SLCO1B3: variants seen among roughly 807,000 people sequenced by gnomAD.
The protein encoded by SLCO1B3 is solute carrier organic anion transporter family member 1B3, also known as liver-specific organic anion transporter 2.
In SLCO1B3, 72 loss-of-function variants were observed where a neutral mutation model predicts 71.8. The observed-to-expected ratio is 1.00, with a 90% CI of 0.83 to 1.22. SLCO1B3 has a LOEUF of 1.22. SLCO1B3 is among the 50% of genes most tolerant of loss of function. The probability of loss-of-function intolerance (pLI) is 0.00; values close to 1 mark genes in which losing one functional copy is unlikely to be tolerated. For synonymous variants in SLCO1B3, 298 were observed against 278.4 expected (o/e 1.07, Z -0.70); for missense variants, 911 against 819.7 (o/e 1.11, Z -1.36).
intron 13 of SLCO1B3, among the ~76,000 whole-genome samples, chr12:20,898,164 C>A (rs1866052959): frequency 6.6e-6 from 1 of 152,080 alleles, no homozygotes; most frequent in African/African-American, 2.4e-5. Flanking sequence ...CAACCACTTT[C>A]TTATAGGATT....
intron 6 of SLCO1B3, 129 bp downstream of exon 6, chr12:20,861,267 A>G: frequency 2.5e-6 from 2 of 789,468 alleles, no homozygotes; most frequent in Non-Finnish European, 3.8e-6. Flanking sequence ...CCTTACATAC[A>G]GACAAAATCA....
At position 20,904,717 on chromosome 12, in the gene SLCO1B3, C is replaced by T. The variant is rs74862125; in HGVS notation, c.1865+3250C>T. On this transcript the variant is annotated intron_variant, in intron 15 of 15. Coordinates refer to ENST00000381545, the MANE Select transcript of SLCO1B3 (RefSeq NM_019844.4). ...CCCTAGTATAGGTTTTTCATGAGGG[C>T]TCCACCCCTGCAGCAGACTTCTGCC... Among the ~76,000 whole-genome samples the T allele has an allele frequency of 7.4e-3, 1,041 of 141,554 alleles. 17 individuals carry two copies. In the East Asian group the frequency reaches 0.077, roughly 10 times the overall value. The allele number at this position is 141,554 out of a possible 152,430, so 92.9% of individuals were successfully genotyped here.
intron 8 of SLCO1B3, among the ~76,000 whole-genome samples, chr12:20,864,413 A>T (rs780825498): frequency 3.3e-5 from 5 of 152,222 alleles, no homozygotes; most frequent in Non-Finnish European, 4.4e-5. Context: ...GAGGACTTAA[A>T]TAGATCACTC....
chr12:20,825,748 G>A (rs1205487418), intron 3 of SLCO1B3, among the ~76,000 whole-genome samples: 5 of 143,178 alleles, frequency 3.5e-5, no homozygotes, highest in African/African-American at 1.3e-4. Flanking sequence ...GCAGTGAGTC[G>A]AGATTGTGGC....
At chr12:20,868,307 TACAG>T (rs1166967942) in intron 8 of SLCO1B3, among the ~76,000 whole-genome samples, 13 of 151,928 alleles carry the variant, frequency 8.6e-5, no homozygotes, top group South Asian at 4.4e-4. Flanking sequence ...AACCAAAAGT[TACAG>T]ACAGATTGTC....
At position 20,836,057 on chromosome 12, in the gene SLCO1B3, G is replaced by A. The variant is rs143200178; in HGVS notation, c.85-18971G>A. Among the ~76,000 whole-genome samples, 606 of 152,322 alleles carry A rather than the reference G, an allele frequency of 4.0e-3. 1 individual carries two copies. Among genetic ancestry groups the A allele is most frequent in the Non-Finnish European group, 6.4e-3 (438 of 68,030 alleles). On this transcript the variant is annotated intron_variant, in intron 3 of 15. Transcript: ENST00000381545. ...TACATGGCAGCAGGCAGAAGAGTGT[G>A]TACAGGAGAACTGCACTTTATAAAA...
At chr12:20,860,060 A>G (rs995560580) in intron 5 of SLCO1B3, among the ~76,000 whole-genome samples, 10 of 144,554 alleles carry the variant, frequency 6.9e-5, no homozygotes, top group African/African-American at 2.1e-4. Flanking sequence ...GGTTCACACC[A>G]TTCTCCTGCC....
At chr12:20,863,046 C>G (rs1011409015) in intron 8 of SLCO1B3, among the ~76,000 whole-genome samples, 192 bp downstream of exon 8, 3 of 152,154 alleles carry the variant, frequency 2.0e-5, no homozygotes, top group African/African-American at 4.8e-5. Flanking sequence ...GCTTTTACAA[C>G]TAAGTATAAA....
chr12:20,845,244 C>T, intron 3 of SLCO1B3: 1 of 424,814 alleles, frequency 2.4e-6, no homozygotes, highest in Admixed American at 2.5e-5. Flanking sequence ...ATTCTACCAG[C>T]TTTCTGACCT....
chr12:20,825,724 G>T (rs1410118401), intron 3 of SLCO1B3, among the ~76,000 whole-genome samples: 7 of 150,692 alleles, frequency 4.6e-5, no homozygotes, highest in African/African-American at 1.7e-4. Context: ...GCTTGGATTT[G>T]GGAGGCAGAG....
chr12:20,883,512 C>T lies in SLCO1B3; in HGVS notation c.1592C>T (p.Thr531Ile). Residue 531 changes from threonine to isoleucine, a missense_variant, in exon 13 of 16, where the codon ACA (threonine) becomes ATA (isoleucine). By Grantham distance (89) the Thr-to-Ile change is moderately conservative. Transcript: ENST00000381545. The stretch of plus-strand genomic sequence containing the variant: ...GAATGCCCAAGAGATAATACTTGTA[C>T]AAGGAAATTTTTCATCTATGTTGCA... ...LGECPRDNTCTRKFFIYVAIQ... is the reference protein window; with the variant it reads ...LGECPRDNTCIRKFFIYVAIQ... 1 of 1,604,422 alleles carries T rather than the reference C, an allele frequency of 6.2e-7. No individual in the cohort carries two copies. Among genetic ancestry groups the T allele is most frequent in the Non-Finnish European group, 8.5e-7 (1 of 1,175,814 alleles).
chr12:20,846,164 C>G (rs1352394165), intron 3 of SLCO1B3, among the ~76,000 whole-genome samples: 1 of 152,026 alleles, frequency 6.6e-6, no homozygotes, highest in Non-Finnish European at 1.5e-5. Flanking sequence ...TTTTCATTTA[C>G]TATGACATTG....
rs114588251 is a variant in SLCO1B3 at position 20,866,192 on chromosome 12, G to A, written c.727+3338G>A. Among the ~76,000 whole-genome samples the A allele has an allele frequency of 6.2e-4, 95 of 152,212 alleles. 1 individual carries two copies. Among genetic ancestry groups the A allele is most frequent in the African/African-American group, 2.1e-3 (89 of 41,554 alleles). On this transcript the variant is annotated intron_variant, in intron 8 of 15. Transcript: ENST00000381545. ...GCAAAGAAAAGTCATGACATTATAA[G>A]AAAAAGTTGAATTGTTTAATATGTA...
At chr12:20,822,251 C>A (rs1250053718) in intron 3 of SLCO1B3, among the ~76,000 whole-genome samples, 1 of 152,110 alleles carries the variant, frequency 6.6e-6, no homozygotes, top group Non-Finnish European at 1.5e-5. Flanking sequence ...CTGTTTATTT[C>A]ACCTGGATGC....
At chr12:20,821,023 A>T (rs1306130259) in intron 3 of SLCO1B3, among the ~76,000 whole-genome samples, 1 of 152,114 alleles carries the variant, frequency 6.6e-6, no homozygotes, top group Non-Finnish European at 1.5e-5. Context: ...AGGCTGAGGA[A>T]GAATTGGGAA....
chr12:20,904,179 G>C (rs1033059943), intron 15 of SLCO1B3, among the ~76,000 whole-genome samples: 5 of 151,388 alleles, frequency 3.3e-5, no homozygotes, highest in African/African-American at 9.7e-5. Flanking sequence ...GGTGGAGCTT[G>C]CAGTGGGCCG....
At chr12:20,851,630 CTT>C (rs1279835936) in intron 3 of SLCO1B3, among the ~76,000 whole-genome samples, 2 of 151,960 alleles carry the variant, frequency 1.3e-5, no homozygotes, top group Non-Finnish European at 2.9e-5. Context: ...AAATTTTCAT[CTT>C]GTTTCTTTTT....
chr12:20,906,332 G>A (rs1446361269), intron 15 of SLCO1B3, among the ~76,000 whole-genome samples: 3 of 152,142 alleles, frequency 2.0e-5, no homozygotes, highest in African/African-American at 7.2e-5. Flanking sequence ...AGTTTCTTGG[G>A]GCTCAGTGTG....
At chr12:20,902,216 T>C (rs1214389665) in intron 15 of SLCO1B3, 1 of 168,910 alleles carries the variant, frequency 5.9e-6, no homozygotes, top group East Asian at 1.8e-4. Flanking sequence ...ATGGTAATTC[T>C]GTTTTATGTT....
Sources: allele counts gnomAD v4.1 joint callset (sites outside exome capture counted in the v4.1 genomes callset), GRCh38; gene constraint gnomAD v4.1.1; transcripts MANE v1.5; gene names NCBI Gene and HGNC (gene_info 2026-07-23, HGNC 2026-07-21).